Variants in CEP290 observed in about 807,000 individuals in gnomAD.
The protein encoded by CEP290 is centrosomal protein of 290 kDa.
A neutral mutation model predicts 344.9 loss-of-function variants in CEP290; 317 were observed. That is an observed-to-expected ratio of 0.92 (90% CI 0.84 to 1.01). The LOEUF is 1.01. Among genes scored for constraint, CEP290 ranks in the 50% least tolerant of loss-of-function variants. The pLI, the probability that CEP290 is intolerant of heterozygous loss-of-function variation, is 0.00. For missense variants in CEP290, 2,754 were observed against 2,761.4 expected, an observed-to-expected ratio of 1.00 and a Z score of 0.06; for synonymous variants, 932 against 895.8, an observed-to-expected ratio of 1.04 and a Z score of -0.72.
At chr12:88,130,022 A>T in intron 9 of CEP290, 146 bp from the exon 10 acceptor site, 2 of 650,680 alleles carry the variant, frequency 3.1e-6, no homozygotes, top group Non-Finnish European at 4.9e-6. Flanking sequence ...TTGACCAATT[A>T]AATCAAATTG....
At chr12:88,083,713 C>T (rs773390888) in intron 36 of CEP290, 134 bp downstream of exon 36, 9 of 643,252 alleles carry the variant, frequency 1.4e-5, no homozygotes, top group Non-Finnish European at 2.2e-5. Flanking sequence ...GAAGAATGAT[C>T]AGAGCTATGT....
At position 88,089,012 on chromosome 12, in the gene CEP290, A is replaced by G. The variant is rs1224445032; in HGVS notation, c.4029+20T>C. 6.8e-7 allele frequency: 1 copy of G among 1,480,534 alleles called. No homozygotes were observed. The highest frequency in any genetic ancestry group is 1.5e-5 in the South Asian group (1 of 68,456). 91.7% of individuals were successfully genotyped at this position (1,480,534 alleles called of 1,614,324 possible). ...CAAGATACTGTCTCTTAAAAAAAAA[A>G]ATCAAGTTTAAATGTTTACCTTTTG... On this transcript the variant is annotated intron_variant, in intron 31 of 53. Coordinates refer to ENST00000552810, the MANE Select transcript of CEP290 (RefSeq NM_025114.4).
chr12:88,119,350 A>G (rs535846603), intron 15 of CEP290, among the ~76,000 whole-genome samples: 2 of 152,306 alleles, frequency 1.3e-5, no homozygotes, highest in African/African-American at 2.4e-5. Flanking sequence ...CTGCACTATC[A>G]TAACACTCAA....
intron 38 of CEP290, 48 bp from the exon 39 acceptor site, chr12:88,079,277 A>G: frequency 2.8e-6 from 4 of 1,406,858 alleles, no homozygotes; most frequent in Non-Finnish European, 3.9e-6. Context: ...GAAAACTGAC[A>G]TTTTATATGA....
intron 21 of CEP290, 145 bp from the exon 22 acceptor site, chr12:88,111,496 A>G: frequency 2.2e-6 from 2 of 913,748 alleles, no homozygotes; most frequent in East Asian, 3.0e-5. Flanking sequence ...GAGATTTAGA[A>G]TTTTTGTATT....
chr12:88,078,474 A>G (rs2137071090), intron 39 of CEP290, among the ~76,000 whole-genome samples: 1 of 152,220 alleles, frequency 6.6e-6, no homozygotes, highest in South Asian at 2.1e-4. Flanking sequence ...GAAACTATGG[A>G]GACAGTAAAA....
At position 88,117,289 on chromosome 12, in the gene CEP290, C is replaced by CA. The variant is rs1201790259; in HGVS notation, c.1712-145dup. The CA allele has an allele frequency of 2.0e-5, 11 of 540,580 alleles. No homozygotes were observed. The Admixed American group carries it at 3.8e-4, about 19-fold the overall frequency. The allele number at this position is 540,580 out of a possible 1,614,324, so 33.5% of individuals were successfully genotyped here. ...AAATCCCTCCAAAATTCTACATAGC[C>CA]AATACAAGCTTCTCATTTAGCTCAC... On this transcript the variant is annotated intron_variant, in intron 17 of 53. Coordinates refer to ENST00000552810, the MANE Select transcript of CEP290 (RefSeq NM_025114.4).
chr12:88,067,183 A>G (rs1216546044), intron 44 of CEP290, among the ~76,000 whole-genome samples: 4 of 151,780 alleles, frequency 2.6e-5, no homozygotes, highest in African/African-American at 7.3e-5. Flanking sequence ...CTATTCATTT[A>G]TCTAATATAA....
chr12:88,086,425 C>G lies in CEP290; in HGVS notation c.4268G>C (p.Arg1423Pro). ...CGCATTTAGTATTTCATTTTGCTGA[C>G]GGTCAAAAATGTCTAGTTGGCGTTC... ...DLERQLDIFD[R>P]QQNEILNAAQ... The change falls in exon 33 of 54, where the codon CGT becomes CCT. Residue 1423 changes from arginine to proline, a missense_variant. By Grantham distance (103) the Arg-to-Pro change is moderately radical. Coordinates refer to ENST00000552810, the MANE Select transcript of CEP290 (RefSeq NM_025114.4). 1 of 1,597,612 alleles carries G rather than the reference C, an allele frequency of 6.3e-7. No homozygotes were observed. Among genetic ancestry groups the G allele is most frequent in the South Asian group, 1.1e-5 (1 of 88,478 alleles).
In CEP290 at chr12:88,049,534, A is replaced by T. The variant is rs557337043; in HGVS notation, c.7210-120T>A. On this transcript the variant is annotated intron_variant, in intron 53 of 53. Transcript: ENST00000552810. Reference sequence around the variant, plus strand: ...TATTCCTGAATGGTCAAATACAGCAATAAAGGCAGAAGAATTAAGATTTTT... The same window carrying T: ...TATTCCTGAATGGTCAAATACAGCATTAAAGGCAGAAGAATTAAGATTTTT... 7 of 630,536 alleles carry T rather than the reference A, an allele frequency of 1.1e-5. No individual in the cohort carries two copies. In the African/African-American group the frequency reaches 1.3e-4, roughly 12 times the overall value. The allele number at this position is 630,536 out of a possible 1,614,324, so 39.1% of individuals were successfully genotyped here.
chr12:88,078,321 A>T (rs987672078), intron 39 of CEP290, among the ~76,000 whole-genome samples: 2 of 152,130 alleles, frequency 1.3e-5, no homozygotes, highest in African/African-American at 4.8e-5. Flanking sequence ...TTTCTAACCT[A>T]GTTTACAAAG....
At chr12:88,100,865 G>C (rs1450912139) in intron 26 of CEP290, among the ~76,000 whole-genome samples, 2 of 152,144 alleles carry the variant, frequency 1.3e-5, no homozygotes, top group African/African-American at 2.4e-5. Context: ...CCTATATATA[G>C]AAAAGAGCAC....
At chr12:88,093,728 T>C in intron 28 of CEP290, 42 bp downstream of exon 28, 1 of 1,437,248 alleles carries the variant, frequency 7.0e-7, no homozygotes, top group Non-Finnish European at 9.6e-7. Context: ...CAAAACTAAT[T>C]CTTTATTCTA....
At chr12:88,078,328 A>G (rs911664801) in intron 39 of CEP290, among the ~76,000 whole-genome samples, 1 of 152,144 alleles carries the variant, frequency 6.6e-6, no homozygotes, top group African/African-American at 2.4e-5. Context: ...CCTAGTTTAC[A>G]AAGATAAGAT....
chr12:88,138,338 C>G (rs991556379), intron 5 of CEP290, among the ~76,000 whole-genome samples: 1 of 152,222 alleles, frequency 6.6e-6, no homozygotes, highest in African/African-American at 2.4e-5. Context: ...TAACACAGAA[C>G]TGATCCAACT....
intron 18 of CEP290, chr12:88,115,430 G>T: frequency 8.3e-7 from 1 of 1,198,566 alleles, no homozygotes; most frequent in Non-Finnish European, 1.1e-6. Flanking sequence ...AACGGTTTTT[G>T]TCTTTAGTAC....
In CEP290 at chr12:88,089,391, T is replaced by C. The variant is rs1022942488; in HGVS notation, c.3670A>G (p.Ile1224Val). The change falls in exon 31 of 54, where the codon ATT (isoleucine) becomes GTT (valine). Residue 1224 changes from isoleucine (I) to valine (V), a missense_variant. By Grantham distance (29) the Ile-to-Val change is conservative. Coordinates refer to ENST00000552810, the MANE Select transcript of CEP290 (RefSeq NM_025114.4). The part of the protein sequence containing the change: ...EATALGKLES[I>V]TSKLQKMEAY... ...TCCATCTTCTGCAGTTTAGATGTAA[T>C]TGACTCCAACTTACCAAGAGCAGTA... 2 of 1,613,586 alleles carry C rather than the reference T, an allele frequency of 1.2e-6. No individual in the cohort carries two copies. The highest frequency in any genetic ancestry group is 1.1e-5 in the South Asian group (1 of 90,938).
intron 41 of CEP290, 138 bp from the exon 42 acceptor site, chr12:88,072,064 T>A: frequency 1.2e-6 from 1 of 833,370 alleles, no homozygotes; most frequent in Non-Finnish European, 1.7e-6. Context: ...CATTTTGCTA[T>A]ACAGGTTGAG....
intron 43 of CEP290, 69 bp from the exon 44 acceptor site, chr12:88,068,714 T>C (rs960578988): frequency 1.3e-5 from 20 of 1,481,498 alleles, no homozygotes; most frequent in African/African-American, 4.4e-5. Flanking sequence ...TATATAAAAA[T>C]ACAAGATAAA....
Sources: gnomAD v4.1 joint callset for allele counts (sites outside exome capture counted in the v4.1 genomes callset) on GRCh38, gnomAD v4.1.1 for gene constraint, MANE v1.5 for transcripts, NCBI Gene and HGNC (gene_info 2026-07-23, HGNC 2026-07-21) for gene names.